SLC2A9: variants seen among roughly 807,000 people sequenced by gnomAD.
SLC2A9 encodes solute carrier family 2, facilitated glucose transporter member 9.
Under a neutral mutation model 50.6 loss-of-function variants are expected in SLC2A9, and 39 were observed. The observed-to-expected ratio is 0.77, with a 90% CI of 0.60 to 1.01. The LOEUF (loss-of-function observed/expected upper bound fraction) is 1.01. Among genes scored for constraint, SLC2A9 ranks in the 50% least tolerant of loss-of-function variants. The pLI is 0.00. For missense variants in SLC2A9, 686 were observed against 677.6 expected (o/e 1.01, Z -0.14); for synonymous variants, 324 against 276.9 (o/e 1.17, Z -1.69).
chr4:9,869,737 A>G (rs1733102195), intron 10 of SLC2A9, among the ~76,000 whole-genome samples: 1 of 152,234 alleles, frequency 6.6e-6, no homozygotes, highest in Non-Finnish European at 1.5e-5. Flanking sequence ...TAGGTGTCCA[A>G]TAGACTAGGA....
At chr4:9,816,515 G>A (rs1324980634) in intron 3 of SLC2A9, among the ~76,000 whole-genome samples, 1 of 152,008 alleles carries the variant, frequency 6.6e-6, no homozygotes, top group Non-Finnish European at 1.5e-5. Context: ...TTGCCAAGAG[G>A]GTAGATTTTA....
downstream of SLC2A9, among the ~76,000 whole-genome samples, chr4:9,796,308 A>T (rs943677805): frequency 6.6e-6 from 1 of 152,190 alleles, no homozygotes; most frequent in African/African-American, 2.4e-5. Flanking sequence ...GCTGTTTGCC[A>T]ATTCATTCCC....
intron 9 of SLC2A9, among the ~76,000 whole-genome samples, chr4:9,889,870 C>A (rs1334327138): frequency 6.6e-6 from 1 of 152,198 alleles, no homozygotes; most frequent in Non-Finnish European, 1.5e-5. Context: ...ATCCGGGGAT[C>A]TAATTGCCAC....
At chr4:9,811,142 G>A (rs1390220471) in intron 3 of SLC2A9, among the ~76,000 whole-genome samples, 1 of 152,160 alleles carries the variant, frequency 6.6e-6, no homozygotes, top group African/African-American at 2.4e-5. Context: ...TGGACTCAGG[G>A]ATACACAAAT....
chr4:9,815,997 C>G (rs1355244095), intron 3 of SLC2A9, among the ~76,000 whole-genome samples: 1 of 151,650 alleles, frequency 6.6e-6, no homozygotes, highest in Non-Finnish European at 1.5e-5. Flanking sequence ...TGGTGAAACT[C>G]CATCTCTACT....
chr4:9,974,913 A>G (rs977220544), intron 5 of SLC2A9, among the ~76,000 whole-genome samples: 1 of 152,250 alleles, frequency 6.6e-6, no homozygotes, highest in Non-Finnish European at 1.5e-5. Context: ...AGACACATAG[A>G]CAAATGAAAC....
intron 10 of SLC2A9, among the ~76,000 whole-genome samples, chr4:9,861,549 A>T (rs1731651292): frequency 6.6e-6 from 1 of 152,094 alleles, no homozygotes; most frequent in Admixed American, 6.6e-5. Context: ...CCCTCAACAG[A>T]ATGTCCATTC....
intron 5 of SLC2A9, among the ~76,000 whole-genome samples, chr4:9,959,217 T>TAAAAAAAA (rs11338281): frequency 1.5e-5 from 2 of 137,206 alleles, no homozygotes; most frequent in Non-Finnish European, 1.6e-5. Flanking sequence ...CAATCTCTAC[T>TAAAAAAAA]AAAAAAAAAA....
chr4:9,965,139 T>C (rs985968768), intron 5 of SLC2A9, among the ~76,000 whole-genome samples: 2 of 152,220 alleles, frequency 1.3e-5, no homozygotes, highest in African/African-American at 2.4e-5. Context: ...CCATTATTAA[T>C]GCTATTGTAT....
At chr4:9,848,900 C>T (rs1453257138) in intron 10 of SLC2A9, among the ~76,000 whole-genome samples, 1 of 152,142 alleles carries the variant, frequency 6.6e-6, no homozygotes, top group African/African-American at 2.4e-5. Flanking sequence ...GCCGGGGTTT[C>T]TGCATGTTGG....
chr4:10,034,541 A>C (rs1764036640), intron 1 of SLC2A9: 1 of 152,332 alleles, frequency 6.6e-6, no homozygotes, highest in African/African-American at 2.4e-5. Context: ...GGGCAGCTGG[A>C]GCCTGTTGTG....
chr4:9,934,039 T>G (rs902714437), intron 6 of SLC2A9, among the ~76,000 whole-genome samples: 6 of 152,218 alleles, frequency 3.9e-5, no homozygotes, highest in African/African-American at 1.2e-4. Context: ...ATTCCATCTG[T>G]GACCTTAATT....
At chr4:9,942,149 C>A (rs1748275268) in intron 5 of SLC2A9, 104 bp from the exon 6 acceptor site, 2 of 1,380,194 alleles carry the variant, frequency 1.4e-6, no homozygotes, top group Non-Finnish European at 2.0e-6. Context: ...GGTCTTCCTG[C>A]CCAGCATGAT....
intron 5 of SLC2A9, among the ~76,000 whole-genome samples, chr4:9,976,071 C>T (rs1754747686): frequency 6.6e-6 from 1 of 152,004 alleles, no homozygotes. Context: ...ATAAAGATGG[C>T]AACACTAGAC....
chr4:9,783,508 C>T (rs1299666265), intron 3 of SLC2A9: 2 of 1,531,812 alleles, frequency 1.3e-6, no homozygotes, highest in Admixed American at 1.9e-5. Context: ...ACCGCACAGA[C>T]ATTGACAAGC....
chr4:10,019,149 C>G (rs1578370243), intron 1 of SLC2A9, 76 bp from the exon 2 acceptor site: 4 of 1,243,446 alleles, frequency 3.2e-6, no homozygotes, highest in East Asian at 5.1e-5. Context: ...GGAACGTTCC[C>G]TCAGCTGGGG....
chr4:9,808,480 C>G (rs1722417336), intron 3 of SLC2A9, among the ~76,000 whole-genome samples: 1 of 152,146 alleles, frequency 6.6e-6, no homozygotes, highest in Non-Finnish European at 1.5e-5. Flanking sequence ...CTAGCAATTC[C>G]TCAGTCCCTG....
chr4:9,974,253 C>T (rs1754402829), intron 5 of SLC2A9, among the ~76,000 whole-genome samples: 1 of 152,118 alleles, frequency 6.6e-6, no homozygotes, highest in South Asian at 2.1e-4. Context: ...CTCACCACTC[C>T]TATTCAGCAT....
At chr4:9,773,251 C>T (rs1389368742) in intron 1 of SLC2A9, among the ~76,000 whole-genome samples, 6 of 152,198 alleles carry the variant, frequency 3.9e-5, no homozygotes, top group Admixed American at 2.0e-4. Flanking sequence ...CCACCTGCCC[C>T]TCCCCATCCC....
Sources: allele counts gnomAD v4.1 joint callset (sites outside exome capture counted in the v4.1 genomes callset), GRCh38; gene constraint gnomAD v4.1.1; transcripts MANE v1.5; gene names NCBI Gene and HGNC (gene_info 2026-07-23, HGNC 2026-07-21).